The following GABPB1 variants were observed in gnomAD, a reference collection of about 807,000 sequenced individuals.
GABPB1 encodes GA binding protein transcription factor subunit beta 1.
In GABPB1, 15 loss-of-function variants were observed where a neutral mutation model predicts 45.9. The ratio of observed to expected loss-of-function variants is 0.33; its 90% CI spans 0.22 to 0.50. The LOEUF (loss-of-function observed/expected upper bound fraction) is 0.50, where lower values mean the gene tolerates loss of function less well. GABPB1 is among the 20% of genes least tolerant of loss of function. GABPB1 has a pLI of 0.98. For missense variants in GABPB1, 252 were observed against 457.5 expected (o/e 0.55, Z 4.10); for synonymous variants, 143 against 154.4 (o/e 0.93, Z 0.55).
In GABPB1 at chr15:50,335,845, G is replaced by A. The variant is rs570977331; in HGVS notation, c.-1+19140C>T. Among the ~76,000 whole-genome samples, 175 of 134,598 alleles carry A rather than the reference G, an allele frequency of 1.3e-3. 7 individuals are homozygous for A. The South Asian group carries it at 0.035, about 27-fold the overall frequency. The allele number at this position is 134,598 out of a possible 152,430, so 88.3% of individuals were successfully genotyped here. Reference sequence around the variant, plus strand: ...CAAGAAGCAGAGGTTGCAGTGAGCCGAGATCATGGTGCTGCACTCCAGCCT... The same window carrying A: ...CAAGAAGCAGAGGTTGCAGTGAGCCAAGATCATGGTGCTGCACTCCAGCCT... On this transcript the variant is annotated intron_variant, in intron 1 of 8. Coordinates refer to ENST00000380877, the MANE Select transcript of GABPB1 (RefSeq NM_016654.5).
intron 8 of GABPB1, among the ~76,000 whole-genome samples, chr15:50,279,190 G>A (rs961152492): frequency 2.6e-5 from 4 of 152,112 alleles, no homozygotes; most frequent in Non-Finnish European, 5.9e-5. Flanking sequence ...ATTTTACTGA[G>A]CACCCACTAT....
At chr15:50,333,308 A>T (rs990843026) in intron 1 of GABPB1, among the ~76,000 whole-genome samples, 2 of 152,184 alleles carry the variant, frequency 1.3e-5, no homozygotes, top group East Asian at 3.8e-4. Context: ...AAATAATTTT[A>T]AAAATTAGAC....
At chr15:50,326,844 A>AAAAG (rs1007660492) in intron 1 of GABPB1, among the ~76,000 whole-genome samples, 1 of 152,056 alleles carries the variant, frequency 6.6e-6, no homozygotes, top group Non-Finnish European at 1.5e-5. Flanking sequence ...TTAAAAAAAA[A>AAAAG]AAAGAAAGAA....
Sources: gnomAD v4.1 joint callset for allele counts (sites outside exome capture counted in the v4.1 genomes callset) on GRCh38, gnomAD v4.1.1 for gene constraint, MANE v1.5 for transcripts, NCBI Gene and HGNC (gene_info 2026-07-23, HGNC 2026-07-21) for gene names.